Variants in FRMD4A observed in about 807,000 individuals in gnomAD.
The protein encoded by FRMD4A is FERM domain containing 4A.
FRMD4A carries 29 observed loss-of-function variants against 129.1 expected under a neutral mutation model. That is an observed-to-expected ratio of 0.22 (90% CI 0.17 to 0.31). The LOEUF is 0.31. Ranked by LOEUF, FRMD4A falls within the 10% of genes least tolerant of loss-of-function variation. FRMD4A has a pLI of 1.00. For missense variants in FRMD4A, 1,272 were observed against 1,375.8 expected, an observed-to-expected ratio of 0.92 and a Z score of 1.19; for synonymous variants, 634 against 571.6, an observed-to-expected ratio of 1.11 and a Z score of -1.56.
intron 2 of FRMD4A, among the ~76,000 whole-genome samples, chr10:14,122,652 C>T (rs899528022): frequency 2.6e-5 from 4 of 151,948 alleles, no homozygotes; most frequent in South Asian, 2.1e-4. Context: ...TTAGTTCTCG[C>T]GAGACCTCAC....
intron 24 of FRMD4A, chr10:13,648,906 G>A (rs971616351): frequency 2.6e-5 from 4 of 152,288 alleles, no homozygotes; most frequent in Middle Eastern, 3.4e-3. Context: ...AAGTAGTCCT[G>A]TGAGTTGCTC....
chr10:13,915,549 G>A (rs989836994), intron 2 of FRMD4A, among the ~76,000 whole-genome samples: 7 of 151,890 alleles, frequency 4.6e-5, no homozygotes, highest in Admixed American at 3.9e-4. Flanking sequence ...GTGGGTGCCT[G>A]TAGTCCCAGC....
intron 12 of FRMD4A, among the ~76,000 whole-genome samples, chr10:13,721,734 C>T (rs1210756468): frequency 6.6e-6 from 1 of 152,206 alleles, no homozygotes; most frequent in Non-Finnish European, 1.5e-5. Context: ...TCTTCTACCT[C>T]GGGGATGGGC....
chr10:14,260,085 G>A (rs533149178), intron 2 of FRMD4A, among the ~76,000 whole-genome samples: 1 of 151,910 alleles, frequency 6.6e-6, no homozygotes, highest in East Asian at 1.9e-4. Context: ...CAGACTTAAA[G>A]GGAAGGCTAT....
chr10:14,036,740 T>C (rs1211523146), intron 2 of FRMD4A, among the ~76,000 whole-genome samples: 1 of 152,108 alleles, frequency 6.6e-6, no homozygotes, highest in African/African-American at 2.4e-5. Flanking sequence ...TTGACCATTA[T>C]ACTCGTCTAA....
chr10:14,287,607 T>C (rs991243495), intron 2 of FRMD4A, among the ~76,000 whole-genome samples: 1 of 152,214 alleles, frequency 6.6e-6, no homozygotes, highest in African/African-American at 2.4e-5. Flanking sequence ...ATTGTACTGA[T>C]AGTCACCAGC....
intron 2 of FRMD4A, among the ~76,000 whole-genome samples, chr10:13,978,822 G>T (rs1354088939): frequency 6.6e-6 from 1 of 152,150 alleles, no homozygotes; most frequent in African/African-American, 2.4e-5. Context: ...TTGGGTCCCT[G>T]GGAAAGTACA....
At chr10:13,977,226 G>A (rs544426261) in intron 2 of FRMD4A, among the ~76,000 whole-genome samples, 9 of 152,194 alleles carry the variant, frequency 5.9e-5, no homozygotes, top group Non-Finnish European at 1.0e-4. Context: ...GTGAGCAGGC[G>A]TCCTCTACTT....
chr10:13,872,906 G>A (rs2094452777), intron 2 of FRMD4A, among the ~76,000 whole-genome samples: 1 of 152,138 alleles, frequency 6.6e-6, no homozygotes, highest in Non-Finnish European at 1.5e-5. Flanking sequence ...GTTAGATGGA[G>A]CCTGGGCACA....
At chr10:13,993,458 CTGTT>C (rs2095610730) in intron 2 of FRMD4A, among the ~76,000 whole-genome samples, 1 of 152,202 alleles carries the variant, frequency 6.6e-6, no homozygotes, top group Non-Finnish European at 1.5e-5. Context: ...AAAAGAACCT[CTGTT>C]TGGCTCTTGT....
At chr10:14,097,541 G>C (rs1251585042) in intron 2 of FRMD4A, among the ~76,000 whole-genome samples, 1 of 152,044 alleles carries the variant, frequency 6.6e-6, no homozygotes, top group South Asian at 2.1e-4. Context: ...ATTGCCCAAG[G>C]TTCAACAGCT....
chr10:13,989,003 T>C (rs1007623804), intron 2 of FRMD4A, among the ~76,000 whole-genome samples: 16 of 151,836 alleles, frequency 1.1e-4, no homozygotes, highest in Admixed American at 2.6e-4. Flanking sequence ...CTTGAGAAGG[T>C]GTGCTTTAGG....
chr10:13,650,100 C>T (rs10906440), intron 24 of FRMD4A, among the ~76,000 whole-genome samples: 39,085 of 152,160 alleles, frequency 0.26, 5,470 homozygotes, highest in East Asian at 0.58. Flanking sequence ...AAGCCAGGGC[C>T]GTCTGATACC....
At chr10:13,746,982 G>T (rs1186017536) in intron 9 of FRMD4A, among the ~76,000 whole-genome samples, 2 of 152,158 alleles carry the variant, frequency 1.3e-5, no homozygotes, top group South Asian at 4.2e-4. Context: ...GTGAAACATC[G>T]AGGGAAAATA....
intron 2 of FRMD4A, among the ~76,000 whole-genome samples, chr10:14,166,303 T>A (rs1841173708): frequency 1.3e-5 from 2 of 151,880 alleles, no homozygotes; most frequent in African/African-American, 4.8e-5. Flanking sequence ...TATATTACTA[T>A]TGTTCATGTG....
chr10:13,663,383 A>G (rs1286891718), intron 19 of FRMD4A, 70 bp downstream of exon 19: 1 of 879,524 alleles, frequency 1.1e-6, no homozygotes, highest in African/African-American at 1.7e-5. Flanking sequence ...GGCAATCCCC[A>G]GACTACATAG....
intron 2 of FRMD4A, among the ~76,000 whole-genome samples, chr10:14,160,101 T>A (rs1454172776): frequency 6.6e-6 from 1 of 152,112 alleles, no homozygotes; most frequent in African/African-American, 2.4e-5. Flanking sequence ...ATGATATTGG[T>A]ATAAAAACAG....
intron 2 of FRMD4A, among the ~76,000 whole-genome samples, chr10:14,016,930 G>A (rs554065241): frequency 2.0e-5 from 3 of 152,316 alleles, no homozygotes; most frequent in Admixed American, 6.5e-5. Context: ...CAGCATCCTT[G>A]CAGGCTGTTC....
intron 2 of FRMD4A, chr10:14,326,681 T>C: frequency 2.5e-6 from 1 of 396,332 alleles, no homozygotes; most frequent in Non-Finnish European, 4.4e-6. Flanking sequence ...TTATTCATCC[T>C]TATCCTGGCT....
Sources: gnomAD v4.1 joint callset for allele counts (sites outside exome capture counted in the v4.1 genomes callset) on GRCh38, gnomAD v4.1.1 for gene constraint, MANE v1.5 for transcripts, NCBI Gene and HGNC (gene_info 2026-07-23, HGNC 2026-07-21) for gene names.